The following CPEB1 variants were observed in gnomAD, a reference collection of about 807,000 sequenced individuals.
CPEB1 encodes the protein cytoplasmic polyadenylation element-binding protein 1.
CPEB1 carries 7 observed loss-of-function variants against 65.8 expected under a neutral mutation model. The ratio of observed to expected loss-of-function variants is 0.11; its 90% CI spans 0.06 to 0.20. The LOEUF (loss-of-function observed/expected upper bound fraction) is 0.20. CPEB1 is among the 10% of genes least tolerant of loss of function. The probability of loss-of-function intolerance (pLI) is 1.00; values close to 1 mark genes in which losing one functional copy is unlikely to be tolerated. For synonymous variants in CPEB1, 262 were observed against 260.0 expected, an observed-to-expected ratio of 1.01 and a Z score of -0.08; for missense variants, 551 against 712.2, an observed-to-expected ratio of 0.77 and a Z score of 2.58.
chr15:82,552,544 A>G lies in CPEB1; in HGVS notation c.1217T>C (p.Leu406Pro), dbSNP rs2036448894. The G allele has an allele frequency of 8.1e-6, 13 of 1,611,834 alleles. No homozygotes were observed. Among genetic ancestry groups the G allele is most frequent in the Non-Finnish European group, 1.1e-5 (13 of 1,179,218 alleles). The change falls in exon 9 of 13, where the codon CTG becomes CCG. Residue 406 changes from leucine (L) to proline (P), a missense_variant. Physicochemically the swap from Leu to Pro is moderately conservative, Grantham distance 98. Transcript: ENST00000684509. ...SLLQACSHDP[L>P]SPDGLSEYYF... The stretch of plus-strand genomic sequence containing the variant: ...ATATTCACTCAGGCCATCTGGGCTC[A>G]GCGGGTCATGAGAGCAAGCCTGAAG...
At chr15:82,638,348 T>A (rs1270888856) in intron 1 of CPEB1, among the ~76,000 whole-genome samples, 1 of 152,202 alleles carries the variant, frequency 6.6e-6, no homozygotes, top group African/African-American at 2.4e-5. Flanking sequence ...TGACAAATAT[T>A]GGCTTGAATT....
intron 3 of CPEB1, among the ~76,000 whole-genome samples, chr15:82,619,156 T>C (rs577617644): frequency 9.8e-5 from 15 of 152,328 alleles, no homozygotes; most frequent in African/African-American, 3.4e-4. Flanking sequence ...ACATATACTA[T>C]GGATGCCTGA....
chr15:82,553,663 C>A, intron 7 of CPEB1, 107 bp from the exon 8 acceptor site: 1 of 875,272 alleles, frequency 1.1e-6, no homozygotes, highest in Non-Finnish European at 1.9e-6. Flanking sequence ...TCCCCACTGA[C>A]AAACAACTCA....
In CPEB1 at chr15:82,556,122, A is replaced by C; in HGVS notation, c.688T>G (p.Ser230Ala). The change falls in exon 6 of 13, where the codon TCA becomes GCA. Residue 230 changes from serine to alanine, a missense_variant and splice_region_variant. Transcript: ENST00000684509. ...SGSDHLSDLI[S>A]SLRISPPLPF... ...AGAGGTGGAGAAATGCGAAGGCTTG[A>C]CTAGGGGAGGAAAAAGGAAGACAGG... is the stretch of plus-strand genomic sequence containing the variant. The C allele has an allele frequency of 6.3e-7, 1 of 1,595,756 alleles. No individual in the cohort carries two copies. The highest frequency in any genetic ancestry group is 8.5e-7 in the Non-Finnish European group (1 of 1,174,402).
At chr15:82,582,923 A>G (rs1239748377) in intron 3 of CPEB1, among the ~76,000 whole-genome samples, 4 of 151,516 alleles carry the variant, frequency 2.6e-5, no homozygotes, top group Admixed American at 6.6e-5. Flanking sequence ...TTGTATTTTT[A>G]GTAGAGATGG....
intron 3 of CPEB1, among the ~76,000 whole-genome samples, chr15:82,574,108 C>A (rs1402518612): frequency 6.6e-6 from 1 of 152,184 alleles, no homozygotes; most frequent in African/African-American, 2.4e-5. Context: ...GAGTTCTACA[C>A]ACAGTATAAT....
Position 82,569,114 on chromosome 15 carries a change from C to T in CPEB1, c.460+2230G>A, listed in dbSNP as rs149886535. 4.8e-3 allele frequency among the ~76,000 whole-genome samples: 734 copies of T among 152,312 alleles called. 4 individuals carry two copies. Among genetic ancestry groups the T allele is most frequent in the Middle Eastern group, 0.01 (3 of 294 alleles). ...GCAACTGAGCTAGCTGGTTTTCAGACGGAAAGGCAGTGTAGGCACTGGAAT... is the reference window on the plus strand; with the variant it reads ...GCAACTGAGCTAGCTGGTTTTCAGATGGAAAGGCAGTGTAGGCACTGGAAT... On this transcript the variant is annotated intron_variant, in intron 4 of 12. Transcript: ENST00000684509.
chr15:82,592,182 A>T (rs1287957728), intron 3 of CPEB1, among the ~76,000 whole-genome samples: 2 of 152,114 alleles, frequency 1.3e-5, no homozygotes, highest in Non-Finnish European at 2.9e-5. Flanking sequence ...CATTTTATTG[A>T]ATGGATATAT....
intron 3 of CPEB1, among the ~76,000 whole-genome samples, chr15:82,598,430 G>A (rs1014387096): frequency 2.6e-5 from 4 of 152,064 alleles, no homozygotes; most frequent in Non-Finnish European, 4.4e-5. Context: ...GGACGCAGAG[G>A]TTGCAGTGAG....
chr15:82,629,470 A>G (rs928044223), intron 1 of CPEB1: 1 of 984,138 alleles, frequency 1.0e-6, no homozygotes, highest in African/African-American at 1.7e-5. Context: ...ATAAAAAATC[A>G]TGAACCCTTA....
At chr15:82,605,870 C>T (rs1482180813) in intron 3 of CPEB1, among the ~76,000 whole-genome samples, 1 of 151,838 alleles carries the variant, frequency 6.6e-6, no homozygotes, top group African/African-American at 2.4e-5. Flanking sequence ...GAATCCCTGT[C>T]TCTACTAAAA....
intron 3 of CPEB1, among the ~76,000 whole-genome samples, chr15:82,617,996 G>A (rs1567225688): frequency 6.6e-6 from 1 of 151,704 alleles, no homozygotes. Flanking sequence ...GCCTCCCAAA[G>A]TGCTGGGATT....
intron 3 of CPEB1, among the ~76,000 whole-genome samples, chr15:82,600,198 C>G (rs2042984400): frequency 6.6e-6 from 1 of 152,066 alleles, no homozygotes; most frequent in Admixed American, 6.6e-5. Context: ...AAAAAGGTTT[C>G]AAAGGAGAGT....
rs1441188558 is a variant in CPEB1, at chr15:82,647,226, CG to C, written c.-188del. On this transcript the variant is annotated 5_prime_UTR_variant, in exon 1 of 13. Coordinates refer to ENST00000684509, the MANE Select transcript of CPEB1 (RefSeq NM_001365242.1). Reference sequence around the variant, plus strand: ...CACACTACCTGGCCAGCCCCGCCCCCGAGACTCCCTCTCCGGCGCCAAGCGA... The same window carrying C: ...CACACTACCTGGCCAGCCCCGCCCCCAGACTCCCTCTCCGGCGCCAAGCGA... The C allele has an allele frequency of 2.0e-5, 3 of 152,256 alleles. No individual in the cohort carries two copies. Among genetic ancestry groups the C allele is most frequent in the Non-Finnish European group, 4.4e-5 (3 of 68,104 alleles). 9.4% of individuals were successfully genotyped at this position (152,256 alleles called of 1,614,324 possible).
chr15:82,625,372 C>T lies in CPEB1; in HGVS notation c.271+1821G>A, dbSNP rs75052100. Among the ~76,000 whole-genome samples, 1,019 of 152,234 alleles carry T rather than the reference C, an allele frequency of 6.7e-3. 7 individuals carry two copies. The highest frequency in any genetic ancestry group is 0.023 in the African/African-American group (951 of 41,530). ...AGCAAATGCCACAAGTTAGTCACTC[C>T]CTTAATATGCCTCTCCCTCAAACAT... On this transcript the variant is annotated intron_variant, in intron 3 of 12. Coordinates refer to ENST00000684509, the MANE Select transcript of CPEB1 (RefSeq NM_001365242.1).
At chr15:82,563,352 C>G (rs1024064580) in intron 4 of CPEB1, among the ~76,000 whole-genome samples, 145 of 119,892 alleles carry the variant, frequency 1.2e-3, no homozygotes, top group African/African-American at 4.0e-3. Flanking sequence ...AAGATCATCT[C>G]TATTCTTTTT....
At chr15:82,622,351 A>G (rs2045373846) in intron 3 of CPEB1, among the ~76,000 whole-genome samples, 1 of 151,936 alleles carries the variant, frequency 6.6e-6, no homozygotes. Context: ...ACAGCAAGTC[A>G]TAACTTTCTT....
chr15:82,599,482 G>A (rs999729877), intron 3 of CPEB1, among the ~76,000 whole-genome samples: 2 of 152,054 alleles, frequency 1.3e-5, no homozygotes, highest in Non-Finnish European at 2.9e-5. Flanking sequence ...AAAAGCATCT[G>A]AAATCTTACA....
At chr15:82,567,470 C>G (rs1379499681) in intron 4 of CPEB1, among the ~76,000 whole-genome samples, 3 of 151,618 alleles carry the variant, frequency 2.0e-5, no homozygotes, top group African/African-American at 7.3e-5. Context: ...AACCCCGTCT[C>G]TACTTTAAAA....
Sources: gnomAD v4.1 joint callset for allele counts (sites outside exome capture counted in the v4.1 genomes callset) on GRCh38, gnomAD v4.1.1 for gene constraint, MANE v1.5 for transcripts, NCBI Gene and HGNC (gene_info 2026-07-23, HGNC 2026-07-21) for gene names.